The following GRXCR1 variants were observed in gnomAD, a reference collection of about 807,000 sequenced individuals.
GRXCR1 encodes glutaredoxin and cysteine rich domain containing 1.
Under a neutral mutation model 27.3 loss-of-function variants are expected in GRXCR1, and 27 were observed. The observed-to-expected ratio is 0.99, with a 90% CI of 0.73 to 1.37. The LOEUF is 1.37. Ranked by LOEUF, GRXCR1 falls within the 40% of genes most tolerant of loss-of-function variation. The pLI, the probability that GRXCR1 is intolerant of heterozygous loss-of-function variation, is 0.00. For synonymous variants in GRXCR1, 122 were observed against 131.1 expected (o/e 0.93, Z 0.47); for missense variants, 379 against 354.4 (o/e 1.07, Z -0.56).
At chr4:42,966,019 G>A (rs950028114) in intron 2 of GRXCR1, among the ~76,000 whole-genome samples, 1 of 151,752 alleles carries the variant, frequency 6.6e-6, no homozygotes, top group African/African-American at 2.4e-5. Context: ...ACTAAAAAAT[G>A]AAGATGGAAG....
At chr4:42,925,871 G>A (rs575677813) in intron 1 of GRXCR1, among the ~76,000 whole-genome samples, 1 of 151,990 alleles carries the variant, frequency 6.6e-6, no homozygotes, top group South Asian at 2.1e-4. Context: ...AGGCCGAGTT[G>A]GACACTTCCT....
intron 3 of GRXCR1, among the ~76,000 whole-genome samples, chr4:43,020,976 G>A (rs1487535240): frequency 1.3e-5 from 2 of 152,088 alleles, no homozygotes; most frequent in African/African-American, 4.8e-5. Flanking sequence ...CTCCCTATTT[G>A]TAAGAAGATT....
intron 2 of GRXCR1, among the ~76,000 whole-genome samples, chr4:42,998,325 T>C (rs932132576): frequency 2.6e-5 from 4 of 152,200 alleles, no homozygotes; most frequent in African/African-American, 9.6e-5. Context: ...AAGATAAACT[T>C]GAAAAGAATA....
chr4:42,932,381 C>G (rs1420616699), intron 1 of GRXCR1, among the ~76,000 whole-genome samples: 1 of 151,200 alleles, frequency 6.6e-6, no homozygotes, highest in Non-Finnish European at 1.5e-5. Flanking sequence ...CCAGGTTGCT[C>G]CCTGCTTCAT....
chr4:42,922,934 T>C (rs1747053459), intron 1 of GRXCR1, among the ~76,000 whole-genome samples: 1 of 152,118 alleles, frequency 6.6e-6, no homozygotes, highest in Non-Finnish European at 1.5e-5. Flanking sequence ...GTGGCTTCAC[T>C]GTGCCCTTCC....
intron 1 of GRXCR1, among the ~76,000 whole-genome samples, chr4:42,893,944 A>G (rs1243640755): frequency 6.6e-6 from 1 of 152,190 alleles, no homozygotes; most frequent in African/African-American, 2.4e-5. Context: ...GGAAAAAGAT[A>G]AAACTATGCT....
intron 1 of GRXCR1, among the ~76,000 whole-genome samples, chr4:42,919,520 G>C (rs1746961062): frequency 6.6e-6 from 1 of 152,100 alleles, no homozygotes; most frequent in South Asian, 2.1e-4. Flanking sequence ...GATAAATCTG[G>C]GGTGTTGTGA....
intron 1 of GRXCR1, among the ~76,000 whole-genome samples, chr4:42,902,670 C>A (rs1362638809): frequency 1.3e-5 from 2 of 152,050 alleles, no homozygotes; most frequent in African/African-American, 4.8e-5. Context: ...ACAACACACA[C>A]TGGGGCATTT....
chr4:43,000,474 TAA>T (rs35604158), intron 2 of GRXCR1, among the ~76,000 whole-genome samples: 25,312 of 112,718 alleles, frequency 0.22, 2,643 homozygotes, highest in African/African-American at 0.29. Context: ...GGCTCTATCT[TAA>T]AAAAAAAAAA....
intron 1 of GRXCR1, among the ~76,000 whole-genome samples, chr4:42,934,461 C>A (rs1286847609): frequency 6.6e-6 from 1 of 151,650 alleles, no homozygotes; most frequent in Non-Finnish European, 1.5e-5. Flanking sequence ...CATGGATTAG[C>A]ACTTCTTTTC....
At chr4:42,934,767 T>A (rs1747418065) in intron 1 of GRXCR1, among the ~76,000 whole-genome samples, 1 of 151,978 alleles carries the variant, frequency 6.6e-6, no homozygotes, top group Non-Finnish European at 1.5e-5. Flanking sequence ...GTCTAGTGAC[T>A]CATACAGATT....
chr4:42,969,098 G>A (rs1195063115), intron 2 of GRXCR1, among the ~76,000 whole-genome samples: 1 of 152,046 alleles, frequency 6.6e-6, no homozygotes, highest in Non-Finnish European at 1.5e-5. Context: ...GGAGCCTTTG[G>A]TAAATTTGTT....
At position 42,893,618 on chromosome 4, in the gene GRXCR1, G is replaced by A; in HGVS notation, c.352G>A (p.Ala118Thr). 1.2e-6 allele frequency: 2 copies of A among 1,613,444 alleles called. No individual in the cohort carries two copies. The highest frequency in any genetic ancestry group is 1.7e-4 in the Middle Eastern group (1 of 6,056). Residue 118 changes from alanine (A) to threonine (T), a missense_variant, in exon 1 of 4, where the codon GCT (alanine) becomes ACT (threonine). Ala to Thr is a moderately conservative substitution (Grantham distance 58). Transcript: ENST00000399770. Reference protein sequence around the residue: ...GVKYKVSAGQALFNNLTKVLQ... With the variant: ...GVKYKVSAGQTLFNNLTKVLQ... ...CAAATACAAAGTGAGTGCTGGCCAG[G>A]CTCTATTTAACAATTTGACCAAAGT...
At chr4:43,021,582 A>G (rs1439672895) in intron 3 of GRXCR1, among the ~76,000 whole-genome samples, 2 of 152,148 alleles carry the variant, frequency 1.3e-5, no homozygotes, top group African/African-American at 2.4e-5. Context: ...GCTAAGGGAG[A>G]CAACAATGTC....
At chr4:42,933,653 G>A (rs1300297058) in intron 1 of GRXCR1, among the ~76,000 whole-genome samples, 1 of 151,870 alleles carries the variant, frequency 6.6e-6, no homozygotes, top group Non-Finnish European at 1.5e-5. Flanking sequence ...CTCATAAATA[G>A]GATTTGTGCC....
At chr4:42,928,888 C>G (rs1747234560) in intron 1 of GRXCR1, among the ~76,000 whole-genome samples, 1 of 152,004 alleles carries the variant, frequency 6.6e-6, no homozygotes, top group Admixed American at 6.6e-5. Flanking sequence ...ATATCAAAGG[C>G]ATGATTCAGG....
intron 1 of GRXCR1, among the ~76,000 whole-genome samples, chr4:42,959,267 T>A (rs1748076488): frequency 6.6e-6 from 1 of 151,916 alleles, no homozygotes; most frequent in African/African-American, 2.4e-5. Context: ...TATTGCTATT[T>A]GTGATAACAT....
chr4:42,960,613 T>G (rs906966917), intron 1 of GRXCR1, among the ~76,000 whole-genome samples: 1 of 151,916 alleles, frequency 6.6e-6, no homozygotes, highest in African/African-American at 2.4e-5. Context: ...CAACTTAGAA[T>G]AGTAGTGTGT....
chr4:42,923,182 G>A (rs1478397518), intron 1 of GRXCR1, among the ~76,000 whole-genome samples: 1 of 152,110 alleles, frequency 6.6e-6, no homozygotes, highest in African/African-American at 2.4e-5. Context: ...ATAAGAGATA[G>A]CCCTGCCTTC....
Sources: gnomAD v4.1 joint callset for allele counts (sites outside exome capture counted in the v4.1 genomes callset) on GRCh38, gnomAD v4.1.1 for gene constraint, MANE v1.5 for transcripts, NCBI Gene and HGNC (gene_info 2026-07-23, HGNC 2026-07-21) for gene names.